Variants in HNF4A observed in about 807,000 individuals in gnomAD.
The protein encoded by HNF4A is hepatocyte nuclear factor 4 alpha.
In HNF4A, 15 loss-of-function variants were observed where a neutral mutation model predicts 52.4. That is an observed-to-expected ratio of 0.29 (90% CI 0.19 to 0.44). HNF4A has a LOEUF of 0.44. Ranked by LOEUF, HNF4A falls within the 20% of genes least tolerant of loss-of-function variation. The probability of loss-of-function intolerance (pLI) is 1.00; values close to 1 mark genes in which losing one functional copy is unlikely to be tolerated. For missense variants in HNF4A, 479 were observed against 647.2 expected (o/e 0.74, Z 2.82); for synonymous variants, 280 against 264.4 (o/e 1.06, Z -0.57).
At chr20:44,405,057 G>A (rs938232667) in intron 1 of HNF4A, among the ~76,000 whole-genome samples, 14 of 103,478 alleles carry the variant, frequency 1.4e-4, no homozygotes, top group Non-Finnish European at 2.8e-4. Flanking sequence ...TGTGTGGACT[G>A]TGTGGTGCGT....
In HNF4A at chr20:44,429,751, G is replaced by C; in HGVS notation, c.*86G>C. Reference sequence around the variant, plus strand: ...TGATCACGTGGTCACGGCAAAGGAAGACGTGATGCCAGGACCAGTCCCAGA... The same window carrying C: ...TGATCACGTGGTCACGGCAAAGGAACACGTGATGCCAGGACCAGTCCCAGA... On this transcript the variant is annotated 3_prime_UTR_variant, in exon 10 of 10. Coordinates refer to ENST00000316099, the MANE Select transcript of HNF4A (RefSeq NM_000457.6). The C allele has an allele frequency of 7.2e-7, 1 of 1,382,250 alleles. No individual in the cohort carries two copies. Among genetic ancestry groups the C allele is most frequent in the Non-Finnish European group, 1.0e-6 (1 of 974,784 alleles). 85.6% of individuals were successfully genotyped at this position (1,382,250 alleles called of 1,614,324 possible).
chr20:44,424,203 C>G lies in HNF4A; in HGVS notation c.1078C>G (p.Leu360Val), dbSNP rs776656815. 19 of 1,614,098 alleles carry G rather than the reference C, an allele frequency of 1.2e-5. No homozygotes were observed. In the Middle Eastern group the frequency reaches 4.9e-4, roughly 42 times the overall value. Residue 360 changes from leucine to valine, a missense_variant, in exon 8 of 10, where the codon CTC becomes GTC. This residue lies in a region of HNF4A where 389 missense variants were observed against 525.1 expected (regional missense o/e 0.74). Transcript: ENST00000316099. ...GATCGAGCAGATCCAGTTCATCAAG[C>G]TCTTCGGCATGGCCAAGATTGACAA...
chr20:44,388,386 C>G (rs1190250381), intron 1 of HNF4A, among the ~76,000 whole-genome samples: 1 of 120,290 alleles, frequency 8.3e-6, no homozygotes, highest in Non-Finnish European at 1.7e-5. Context: ...CCCCCACCCC[C>G]GTACATTGGA....
At chr20:44,388,060 A>T (rs1037314778) in intron 1 of HNF4A, among the ~76,000 whole-genome samples, 1 of 151,480 alleles carries the variant, frequency 6.6e-6, no homozygotes, top group Non-Finnish European at 1.5e-5. Context: ...AAAGGTTATA[A>T]TTTTTCCACA....
intron 1 of HNF4A, among the ~76,000 whole-genome samples, chr20:44,363,991 C>T (rs892469900): frequency 2.6e-5 from 4 of 152,146 alleles, no homozygotes; most frequent in African/African-American, 9.6e-5. Flanking sequence ...CACCCAGCCT[C>T]CATTTCCTCT....
At chr20:44,372,022 A>T (rs1307445079) in intron 1 of HNF4A, among the ~76,000 whole-genome samples, 2 of 152,070 alleles carry the variant, frequency 1.3e-5, no homozygotes, top group Non-Finnish European at 2.9e-5. Context: ...TGTTTGCTGT[A>T]TTGTTTTTCT....
At chr20:44,386,727 A>G (rs2063229044) in intron 1 of HNF4A, among the ~76,000 whole-genome samples, 1 of 152,242 alleles carries the variant, frequency 6.6e-6, no homozygotes, top group Admixed American at 6.5e-5. Flanking sequence ...TGTACAGGAC[A>G]GTCCCCACGA....
intron 1 of HNF4A, among the ~76,000 whole-genome samples, chr20:44,374,849 T>C (rs1044666417): frequency 5.9e-5 from 9 of 152,354 alleles, no homozygotes; most frequent in Admixed American, 5.2e-4. Flanking sequence ...CCTTTGGTTA[T>C]ATACCAAATC....
upstream of HNF4A, among the ~76,000 whole-genome samples, chr20:44,397,057 G>A (rs1488274880): frequency 6.6e-6 from 1 of 152,164 alleles, no homozygotes; most frequent in Non-Finnish European, 1.5e-5. Context: ...AGCTGGCCCT[G>A]GGCTTGGAAT....
intron 1 of HNF4A, among the ~76,000 whole-genome samples, chr20:44,357,108 T>G (rs1194362019): frequency 6.6e-6 from 1 of 152,146 alleles, no homozygotes; most frequent in Non-Finnish European, 1.5e-5. Context: ...GGGCCTGATC[T>G]CCTGACTCTA....
At chr20:44,398,776 G>C (rs2146331133), upstream of HNF4A, among the ~76,000 whole-genome samples, 1 of 152,310 alleles carries the variant, frequency 6.6e-6, no homozygotes, top group Non-Finnish European at 1.5e-5. Context: ...TCATGGCTGT[G>C]GCATGGTGTG....
At chr20:44,358,995 C>T (rs993198210) in intron 1 of HNF4A, among the ~76,000 whole-genome samples, 17 of 152,134 alleles carry the variant, frequency 1.1e-4, no homozygotes, top group African/African-American at 3.4e-4. Flanking sequence ...TTGCGGTTCT[C>T]GTCATCGCTC....
intron 1 of HNF4A, among the ~76,000 whole-genome samples, chr20:44,385,287 G>A (rs990470951): frequency 1.3e-5 from 2 of 151,366 alleles, no homozygotes; most frequent in East Asian, 2.0e-4. Flanking sequence ...TTCAAAGTGC[G>A]GTCTGAGGGC....
chr20:44,393,081 G>T (rs1339585521), intron 1 of HNF4A, among the ~76,000 whole-genome samples: 1 of 152,204 alleles, frequency 6.6e-6, no homozygotes, highest in Non-Finnish European at 1.5e-5. Context: ...GGAGACCAAG[G>T]GTGGCTTCTG....
intron 1 of HNF4A, among the ~76,000 whole-genome samples, chr20:44,365,542 T>C (rs963663977): frequency 1.1e-4 from 16 of 152,216 alleles, no homozygotes; most frequent in African/African-American, 3.1e-4. Context: ...ATAAAGCAAA[T>C]GTGACAGAAT....
intron 1 of HNF4A, among the ~76,000 whole-genome samples, chr20:44,360,857 A>T (rs183161736): frequency 1.3e-5 from 2 of 152,234 alleles, no homozygotes; most frequent in Admixed American, 1.3e-4. Context: ...GCTTTGCTTC[A>T]CTTCTCTGGT....
At chr20:44,390,438 C>T (rs899484420) in intron 1 of HNF4A, 1 of 560,624 alleles carries the variant, frequency 1.8e-6, no homozygotes, top group African/African-American at 1.9e-5. Flanking sequence ...GGGCTAATTC[C>T]TTGCATGGAT....
Position 44,414,536 on chromosome 20 carries a change from C to T in HNF4A, c.522C>T (p.Gly174=), listed in dbSNP as rs999396047. The change falls in exon 5 of 10, where the codon GGC becomes GGT. Residue 174 remains glycine, a synonymous_variant. Transcript: ENST00000316099. ...CCTCCCCCGTCTCCGGGATCAACGG[C>T]GACATTCGGGCGAAGAAGATTGCCA... 9.3e-6 allele frequency: 15 copies of T among 1,614,234 alleles called. No individual in the cohort carries two copies. Among genetic ancestry groups the T allele is most frequent in the East Asian group, 4.5e-5 (2 of 44,880 alleles).
chr20:44,401,144 C>G (rs2063401771), upstream of HNF4A: 2 of 1,351,108 alleles, frequency 1.5e-6, no homozygotes, highest in Non-Finnish European at 2.0e-6. Context: ...CCCCGCCCAG[C>G]CTATCCACCG....
Sources: allele counts gnomAD v4.1 joint callset (sites outside exome capture counted in the v4.1 genomes callset), GRCh38; gene constraint gnomAD v4.1.1; regional missense constraint gnomAD v4.1.1; transcripts MANE v1.5; gene names NCBI Gene and HGNC (gene_info 2026-07-23, HGNC 2026-07-21).